The following CREG2 variants were observed in gnomAD, a reference collection of about 807,000 sequenced individuals.
CREG2 encodes the protein protein CREG2.
In CREG2, 24 loss-of-function variants were observed where a neutral mutation model predicts 26.2. That is an observed-to-expected ratio of 0.92 (90% CI 0.66 to 1.29). The LOEUF (loss-of-function observed/expected upper bound fraction) is 1.29, where lower values mean the gene tolerates loss of function less well. Among genes scored for constraint, CREG2 ranks in the 50% most tolerant of loss-of-function variants. The pLI is 0.00. For missense variants in CREG2, 366 were observed against 398.6 expected, an observed-to-expected ratio of 0.92 and a Z score of 0.70; for synonymous variants, 174 against 169.2, an observed-to-expected ratio of 1.03 and a Z score of -0.22.
At chr2:101,376,262 G>A (rs1029564832) in intron 2 of CREG2, among the ~76,000 whole-genome samples, 18 of 137,442 alleles carry the variant, frequency 1.3e-4, no homozygotes, top group African/African-American at 5.0e-4. Context: ...GTTATTTTCC[G>A]AATTTAATTT....
chr2:101,371,109 G>A (rs539975604), intron 2 of CREG2, among the ~76,000 whole-genome samples: 1 of 152,280 alleles, frequency 6.6e-6, no homozygotes, highest in African/African-American at 2.4e-5. Flanking sequence ...GATGGCAGAT[G>A]TCAAGAATAG....
At chr2:101,382,681 T>G (rs1684895015) in intron 2 of CREG2, 1 of 985,288 alleles carries the variant, frequency 1.0e-6, no homozygotes, top group Non-Finnish European at 1.2e-6. Context: ...TTGATTAGCC[T>G]CTGTAAGAAC....
intron 2 of CREG2, among the ~76,000 whole-genome samples, chr2:101,359,658 C>A (rs1404742541): frequency 6.6e-6 from 1 of 152,204 alleles, no homozygotes; most frequent in Non-Finnish European, 1.5e-5. Context: ...CCTCTCCTGG[C>A]CTGCTCATGT....
chr2:101,385,213 C>A (rs1558823243), intron 1 of CREG2, among the ~76,000 whole-genome samples: 1 of 152,082 alleles, frequency 6.6e-6, no homozygotes. Context: ...GAGTCTCACT[C>A]TGTTTGTTGC....
chr2:101,373,413 A>G (rs1684742103), intron 2 of CREG2, among the ~76,000 whole-genome samples: 1 of 152,234 alleles, frequency 6.6e-6, no homozygotes, highest in Admixed American at 6.5e-5. Flanking sequence ...ATCCATAGAG[A>G]CAGAAAGAAG....
At chr2:101,378,772 G>C (rs187622345) in intron 2 of CREG2, among the ~76,000 whole-genome samples, 1 of 152,248 alleles carries the variant, frequency 6.6e-6, no homozygotes, top group African/African-American at 2.4e-5. Flanking sequence ...ACTTTGGGAG[G>C]CTGAGGCGGG....
chr2:101,362,388 T>C (rs1684555828), intron 2 of CREG2, among the ~76,000 whole-genome samples: 1 of 152,212 alleles, frequency 6.6e-6, no homozygotes, highest in African/African-American at 2.4e-5. Context: ...AAGTGAACTG[T>C]TAAATTTCAC....
intron 2 of CREG2, among the ~76,000 whole-genome samples, chr2:101,372,754 G>A (rs967202403): frequency 6.6e-6 from 1 of 152,088 alleles, no homozygotes; most frequent in Non-Finnish European, 1.5e-5. Context: ...ATCTAAAAAG[G>A]TTCATATCTA....
intron 2 of CREG2, among the ~76,000 whole-genome samples, chr2:101,373,305 A>G (rs1473704713): frequency 1.3e-5 from 2 of 152,274 alleles, no homozygotes; most frequent in South Asian, 2.1e-4. Flanking sequence ...GGAATGAATT[A>G]TAGACACATG....
At chr2:101,352,981 T>C (rs961445059) in intron 3 of CREG2, among the ~76,000 whole-genome samples, 1 of 152,186 alleles carries the variant, frequency 6.6e-6, no homozygotes, top group Non-Finnish European at 1.5e-5. Flanking sequence ...AAAAAGCTAC[T>C]GAAAGCTGGA....
In CREG2 at chr2:101,347,968, G is replaced by A. The variant is rs966678768; in HGVS notation, c.*2955C>T. ...CATTTTATTTTTACAGATATGATCT[G>A]AGTTAATTTTTGCATAAGGTATGAA... On this transcript the variant is annotated 3_prime_UTR_variant, in exon 4 of 4. Transcript: ENST00000324768. 2.0e-5 allele frequency: 3 copies of A among 152,142 alleles called. No individual in the cohort carries two copies. The highest frequency in any genetic ancestry group is 4.8e-5 in the African/African-American group (2 of 41,438). 9.4% of individuals were successfully genotyped at this position (152,142 alleles called of 1,614,324 possible). A position where few individuals can be genotyped will look rare whatever the true frequency, so the allele number is the denominator to read the frequency against.
chr2:101,364,943 C>T (rs190771940), intron 2 of CREG2, among the ~76,000 whole-genome samples: 1 of 152,076 alleles, frequency 6.6e-6, no homozygotes, highest in Non-Finnish European at 1.5e-5. Flanking sequence ...GTTGGCAGCT[C>T]CATGTGGTCC....
chr2:101,385,265 C>T (rs532427211), intron 1 of CREG2, among the ~76,000 whole-genome samples: 20 of 152,284 alleles, frequency 1.3e-4, no homozygotes, highest in Admixed American at 3.9e-4. Context: ...TCACTGCAGC[C>T]TCCGTCTCCT....
rs146532595 is a variant in CREG2, at chr2:101,349,596, C to T, written c.*1327G>A. 6.6e-6 allele frequency: 1 copy of T among 152,480 alleles called. No homozygotes were observed. The highest frequency in any genetic ancestry group is 1.5e-5 in the Non-Finnish European group (1 of 68,012). 9.4% of individuals were successfully genotyped at this position (152,480 alleles called of 1,614,324 possible). ...TCAACCCTTTATAGGTTTTAATGAT[C>T]AGAGGTCTTAGATATATATACATAG... On this transcript the variant is annotated 3_prime_UTR_variant, in exon 4 of 4. Coordinates refer to ENST00000324768, the MANE Select transcript of CREG2 (RefSeq NM_153836.4).
chr2:101,386,735 T>C (rs948078304), intron 1 of CREG2, among the ~76,000 whole-genome samples: 4 of 152,006 alleles, frequency 2.6e-5, no homozygotes, highest in African/African-American at 9.7e-5. Context: ...TAGGTGTCCC[T>C]CTCTCTGCCT....
Position 101,387,366 on chromosome 2 carries a change from C to A in CREG2, c.92G>T (p.Gly31Val). ...AGACACGGAGCTCACGATCACGTAG[C>A]CCGCGGCCGGGGACAGCAGGGCGCT... ...CCSALLSPAA[G>V]YVIVSSVSWA... The change falls in exon 1 of 4, where the codon GGC (glycine) becomes GTC (valine). Residue 31 changes from glycine to valine, a missense_variant. Gly to Val is a moderately radical substitution (Grantham distance 109). Coordinates refer to ENST00000324768, the MANE Select transcript of CREG2 (RefSeq NM_153836.4). This position sits in a 1 kb window ranked among gnomAD's most constrained non-coding sequence, Gnocchi z 4.7. The A allele has an allele frequency of 1.4e-6, 2 of 1,477,212 alleles. No homozygotes were observed. The highest frequency in any genetic ancestry group is 1.8e-6 in the Non-Finnish European group (2 of 1,106,948). 91.5% of individuals were successfully genotyped at this position (1,477,212 alleles called of 1,614,324 possible). A position where few individuals can be genotyped will look rare whatever the true frequency, so the allele number is the denominator to read the frequency against.
chr2:101,367,232 T>A (rs535551840), intron 2 of CREG2, among the ~76,000 whole-genome samples: 79 of 152,274 alleles, frequency 5.2e-4, no homozygotes, highest in African/African-American at 1.5e-3. Context: ...TGGACCCACT[T>A]CCTGGACAGG....
At chr2:101,369,183 G>T (rs1272356195) in intron 2 of CREG2, among the ~76,000 whole-genome samples, 1 of 152,216 alleles carries the variant, frequency 6.6e-6, no homozygotes, top group Non-Finnish European at 1.5e-5. Context: ...TGGAGAATGG[G>T]TTGATCCAGG....
At position 101,358,811 on chromosome 2, in the gene CREG2, G is replaced by A. The variant is rs1261395122; in HGVS notation, c.612-3445C>T. Among the ~76,000 whole-genome samples the A allele has an allele frequency of 1.2e-3, 23 of 19,758 alleles. 8 individuals carry two copies. The highest frequency in any genetic ancestry group is 1.7e-3 in the African/African-American group (22 of 13,144). 13.0% of individuals were successfully genotyped at this position (19,758 alleles called of 152,430 possible). A position where few individuals can be genotyped will look rare whatever the true frequency, so the allele number is the denominator to read the frequency against. On this transcript the variant is annotated intron_variant, in intron 2 of 3. Coordinates refer to ENST00000324768, the MANE Select transcript of CREG2 (RefSeq NM_153836.4). ...AGCACTTTGGGAGGCCGAGGCGGGC[G>A]GATCACGAGGTCAGGAGATCGAGAC...
Sources: gnomAD v4.1 joint callset for allele counts (sites outside exome capture counted in the v4.1 genomes callset) on GRCh38, gnomAD v4.1.1 for gene constraint, Gnocchi (gnomAD v3.1) non-coding constraint, MANE v1.5 for transcripts, NCBI Gene and HGNC (gene_info 2026-07-23, HGNC 2026-07-21) for gene names.